MAP3K1: variants seen among roughly 807,000 people sequenced by gnomAD.
MAP3K1 encodes the protein MAP/ERK kinase kinase 1.
A neutral mutation model predicts 144.2 loss-of-function variants in MAP3K1; 36 were observed. That is an observed-to-expected ratio of 0.25 (90% CI 0.19 to 0.33). The LOEUF (loss-of-function observed/expected upper bound fraction) is 0.33, where lower values mean the gene tolerates loss of function less well. MAP3K1 is among the 10% of genes least tolerant of loss of function. The probability of loss-of-function intolerance (pLI) is 1.00; values close to 1 mark genes in which losing one functional copy is unlikely to be tolerated. For synonymous variants in MAP3K1, 718 were observed against 688.7 expected (o/e 1.04, Z -0.67); for missense variants, 1,650 against 1,881.9 (o/e 0.88, Z 2.28).
chr5:56,817,711 A>T (rs1307032055), intron 1 of MAP3K1, among the ~76,000 whole-genome samples: 1 of 152,236 alleles, frequency 6.6e-6, no homozygotes, highest in African/African-American at 2.4e-5. Context: ...CCAGATAAAA[A>T]TTTTTAACCC....
intron 1 of MAP3K1, among the ~76,000 whole-genome samples, chr5:56,830,082 A>G (rs1035403966): frequency 6.6e-6 from 1 of 152,164 alleles, no homozygotes; most frequent in Non-Finnish European, 1.5e-5. Context: ...AGTGTTGGTG[A>G]TAAGATACAA....
At chr5:56,820,631 A>C (rs779851138) in intron 1 of MAP3K1, 20 of 985,112 alleles carry the variant, frequency 2.0e-5, no homozygotes, top group Non-Finnish European at 2.4e-5. Context: ...AAGTGAAAGG[A>C]GATAAGCTGA....
intron 3 of MAP3K1, among the ~76,000 whole-genome samples, 192 bp from the exon 4 acceptor site, chr5:56,864,542 T>C (rs1467229150): frequency 6.6e-6 from 1 of 152,008 alleles, no homozygotes; most frequent in Non-Finnish European, 1.5e-5. Context: ...ACCCAGCTGA[T>C]TTTTTGTATT....
chr5:56,817,128 C>T (rs1746002239), intron 1 of MAP3K1: 4 of 984,870 alleles, frequency 4.1e-6, no homozygotes, highest in South Asian at 4.7e-5. Context: ...TAATTTAGAC[C>T]AGCGGTTTAT....
At chr5:56,888,647 T>A (rs2111965427) in intron 19 of MAP3K1, among the ~76,000 whole-genome samples, 1 of 152,324 alleles carries the variant, frequency 6.6e-6, no homozygotes, top group East Asian at 1.9e-4. Flanking sequence ...CAGCTCCCAG[T>A]CAGCCACACA....
At chr5:56,844,386 A>T (rs566075851) in intron 1 of MAP3K1, among the ~76,000 whole-genome samples, 51 of 151,768 alleles carry the variant, frequency 3.4e-4, no homozygotes, top group African/African-American at 1.1e-3. Context: ...TCACCGTGTT[A>T]GCCAGGATGG....
chr5:56,848,955 C>G lies in MAP3K1; in HGVS notation c.483-7645C>G, dbSNP rs185314142. 3.9e-4 allele frequency among the ~76,000 whole-genome samples: 59 copies of G among 152,280 alleles called. 1 individual carries two copies. Among genetic ancestry groups the G allele is most frequent in the Non-Finnish European group, 7.4e-5 (5 of 68,006 alleles). On this transcript the variant is annotated intron_variant, in intron 1 of 19. Transcript: ENST00000399503. Reference sequence around the variant, plus strand: ...GAGCTTTTTGAGGGTGAATTCTATGCCCATATCTCTCAAAGGCCTAAATAG... The same window carrying G: ...GAGCTTTTTGAGGGTGAATTCTATGGCCATATCTCTCAAAGGCCTAAATAG...
intron 14 of MAP3K1, 152 bp downstream of exon 14, chr5:56,883,018 G>A: frequency 1.5e-6 from 1 of 661,564 alleles, no homozygotes; most frequent in Non-Finnish European, 2.6e-6. Flanking sequence ...GCAAGACCCT[G>A]TCTCTACAAA....
chr5:56,840,051 C>T (rs1480396362), intron 1 of MAP3K1, among the ~76,000 whole-genome samples: 1 of 152,160 alleles, frequency 6.6e-6, no homozygotes, highest in Non-Finnish European at 1.5e-5. Context: ...ATCAATTGGC[C>T]TATGGTAAAG....
intron 17 of MAP3K1, among the ~76,000 whole-genome samples, chr5:56,887,128 A>G (rs1337665017): frequency 6.6e-6 from 1 of 152,240 alleles, no homozygotes; most frequent in African/African-American, 2.4e-5. Context: ...AGTATTTGAC[A>G]TAATGTGTTG....
intron 6 of MAP3K1, among the ~76,000 whole-genome samples, chr5:56,866,411 G>A (rs550333592): frequency 1.3e-5 from 2 of 152,072 alleles, no homozygotes; most frequent in African/African-American, 4.8e-5. Context: ...TAAAAAATAT[G>A]TGGGTGTGTG....
chr5:56,834,003 C>G (rs1172284487), intron 1 of MAP3K1, among the ~76,000 whole-genome samples: 1 of 152,090 alleles, frequency 6.6e-6, no homozygotes, highest in African/African-American at 2.4e-5. Flanking sequence ...CTTCCTGACC[C>G]CTATGCCTTC....
Position 56,888,394 on chromosome 5 carries a change from A to AG in MAP3K1, c.4389+39dup, listed in dbSNP as rs771639287. The stretch of plus-strand genomic sequence containing the variant: ...ATAAAAATTACTTCTTTGTGCTAAA[A>AG]GGAGTACAGCAGAATTTGGCAGGAG... On this transcript the variant is annotated intron_variant, in intron 19 of 19. Transcript: ENST00000399503. 6.2e-6 allele frequency: 10 copies of AG among 1,608,604 alleles called. No homozygotes were observed. In the Admixed American group the frequency reaches 1.2e-4, roughly 19 times the overall value.
chr5:56,817,229 A>T, intron 1 of MAP3K1: 1 of 408,634 alleles, frequency 2.4e-6, no homozygotes, highest in Non-Finnish European at 3.3e-6. Flanking sequence ...TTTGTTTTTT[A>T]AAAACCTGAT....
At chr5:56,864,213 T>TG (rs1747605100) in intron 3 of MAP3K1, among the ~76,000 whole-genome samples, 1 of 152,298 alleles carries the variant, frequency 6.6e-6, no homozygotes, top group African/African-American at 2.4e-5. Context: ...AGCCAGATAT[T>TG]TATCAACATT....
intron 1 of MAP3K1, among the ~76,000 whole-genome samples, chr5:56,854,769 T>G (rs1015383296): frequency 6.6e-6 from 1 of 152,140 alleles, no homozygotes; most frequent in African/African-American, 2.4e-5. Flanking sequence ...GAAACAGATT[T>G]GGGGGAAGAG....
intron 19 of MAP3K1, among the ~76,000 whole-genome samples, chr5:56,889,089 CTT>C (rs1327989334): frequency 3.3e-5 from 5 of 152,204 alleles, no homozygotes; most frequent in Non-Finnish European, 7.3e-5. Flanking sequence ...CCATCCATCA[CTT>C]TAAAAACGTG....
intron 1 of MAP3K1, among the ~76,000 whole-genome samples, chr5:56,835,335 G>A (rs939515347): frequency 3.0e-5 from 4 of 135,574 alleles, no homozygotes; most frequent in African/African-American, 1.1e-4. Context: ...AGGAGACAAG[G>A]AGGCAGGGAA....
intron 6 of MAP3K1, among the ~76,000 whole-genome samples, chr5:56,870,195 A>C (rs549897709): frequency 6.5e-4 from 99 of 152,338 alleles, no homozygotes; most frequent in African/African-American, 2.4e-3. Context: ...AGATAGTAGA[A>C]GTGCAATATT....
Sources: allele counts gnomAD v4.1 joint callset (sites outside exome capture counted in the v4.1 genomes callset), GRCh38; gene constraint gnomAD v4.1.1; transcripts MANE v1.5; gene names NCBI Gene and HGNC (gene_info 2026-07-23, HGNC 2026-07-21).